GLI2: variants seen among roughly 807,000 people sequenced by gnomAD.
The protein encoded by GLI2 is transcription activator GLI2.
In GLI2, 22 loss-of-function variants were observed where a neutral mutation model predicts 78.9. That is an observed-to-expected ratio of 0.28 (90% CI 0.20 to 0.40). The LOEUF (loss-of-function observed/expected upper bound fraction) is 0.40, where lower values mean the gene tolerates loss of function less well. Among genes scored for constraint, GLI2 ranks in the 10% least tolerant of loss-of-function variants. The probability of loss-of-function intolerance (pLI) is 1.00; values close to 1 mark genes in which losing one functional copy is unlikely to be tolerated. For missense variants in GLI2, 2,097 were observed against 2,213.2 expected, an observed-to-expected ratio of 0.95 and a Z score of 1.05; for synonymous variants, 974 against 963.7, an observed-to-expected ratio of 1.01 and a Z score of -0.20.
chr2:120,815,121 G>GA (rs1411069043), intron 2 of GLI2, among the ~76,000 whole-genome samples: 2 of 152,152 alleles, frequency 1.3e-5, no homozygotes, highest in Non-Finnish European at 2.9e-5. Context: ...ACCAGTCATT[G>GA]AAAATACATA....
chr2:120,739,713 C>A (rs988385796), intron 1 of GLI2, among the ~76,000 whole-genome samples: 1 of 152,232 alleles, frequency 6.6e-6, no homozygotes, highest in Non-Finnish European at 1.5e-5. Flanking sequence ...CACTTCCCCC[C>A]TTTCTTCTTT....
Position 120,841,848 on chromosome 2 carries a change from G to GGTGTGTGTGTGTGTGTGTGTGTGTGT in GLI2, c.148+44396_148+44421dup, listed in dbSNP as rs555474895. 4.7e-3 allele frequency among the ~76,000 whole-genome samples: 617 copies of GGTGTGTGTGTGTGTGTGTGTGTGTGT among 132,632 alleles called. 4 individuals carry two copies. The highest frequency in any genetic ancestry group is 8.1e-3 in the Middle Eastern group (2 of 246). 87.0% of individuals were successfully genotyped at this position (132,632 alleles called of 152,430 possible). On this transcript the variant is annotated intron_variant, in intron 2 of 13. Transcript: ENST00000361492. ...AGGACCATTGCAAGCCAGTCTGGAG[G>GGTGTGTGTGTGTGTGTGTGTGTGTGT]GTGTGTGTGTGTGTGTGTGTGTGTG... is the stretch of plus-strand genomic sequence containing the variant.
chr2:120,902,328 G>A (rs1046919953), intron 2 of GLI2, among the ~76,000 whole-genome samples: 1 of 152,038 alleles, frequency 6.6e-6, no homozygotes. Flanking sequence ...AAAGCCTAGG[G>A]TCCAGTGAGA....
chr2:120,931,362 T>C (rs976825037), intron 3 of GLI2, among the ~76,000 whole-genome samples: 1 of 152,178 alleles, frequency 6.6e-6, no homozygotes, highest in African/African-American at 2.4e-5. Flanking sequence ...CCCCTGCTTC[T>C]CTCTTCTAAG....
At position 120,831,606 on chromosome 2, in the gene GLI2, A is replaced by G. The variant is rs530392024; in HGVS notation, c.148+34138A>G. Among the ~76,000 whole-genome samples, 5 of 152,360 alleles carry G rather than the reference A, an allele frequency of 3.3e-5. No individual in the cohort carries two copies. The East Asian group carries it at 5.8e-4, about 18-fold the overall frequency. ...TAGTAGATTCCGTTTTGAGAGCAGT[A>G]TCAGTGCTCTGGGGCCTGTGAAGGG... is the stretch of plus-strand genomic sequence containing the variant. On this transcript the variant is annotated intron_variant, in intron 2 of 13. Transcript: ENST00000361492.
chr2:120,745,398 A>ATGGTCCC (rs1212848353), intron 1 of GLI2, among the ~76,000 whole-genome samples: 1 of 152,158 alleles, frequency 6.6e-6, no homozygotes, highest in Non-Finnish European at 1.5e-5. Context: ...GGACACCTTT[A>ATGGTCCC]TGGTCCCTAA....
At chr2:120,854,063 A>T (rs553336969) in intron 2 of GLI2, among the ~76,000 whole-genome samples, 13 of 152,322 alleles carry the variant, frequency 8.5e-5, no homozygotes, top group African/African-American at 2.6e-4. Flanking sequence ...GTGGGAAATA[A>T]GACAGATTCC....
chr2:120,918,229 A>G (rs1047188140), intron 2 of GLI2, among the ~76,000 whole-genome samples: 3 of 152,154 alleles, frequency 2.0e-5, no homozygotes, highest in Non-Finnish European at 4.4e-5. Flanking sequence ...TCGTATCCCT[A>G]GATCAGACCT....
intron 2 of GLI2, among the ~76,000 whole-genome samples, chr2:120,854,859 C>A (rs1687571410): frequency 1.3e-5 from 2 of 152,200 alleles, no homozygotes; most frequent in African/African-American, 4.8e-5. Flanking sequence ...ATTTGTAAGT[C>A]CCCAGATGCT....
chr2:120,980,257 T>TGAG (rs1682657156), intron 10 of GLI2, among the ~76,000 whole-genome samples: 2 of 152,236 alleles, frequency 1.3e-5, no homozygotes. Flanking sequence ...CCACAATGAA[T>TGAG]GAGGGTTCTG....
At chr2:120,813,639 C>T (rs1416382288) in intron 2 of GLI2, among the ~76,000 whole-genome samples, 1 of 152,182 alleles carries the variant, frequency 6.6e-6, no homozygotes, top group Non-Finnish European at 1.5e-5. Flanking sequence ...GCAGCTGGCC[C>T]CAGATCCCCA....
intron 2 of GLI2, among the ~76,000 whole-genome samples, chr2:120,810,680 A>T (rs899550962): frequency 1.3e-5 from 2 of 152,218 alleles, no homozygotes; most frequent in Non-Finnish European, 2.9e-5. Context: ...GATCTTCTCG[A>T]TAGAAACTGA....
rs548148922 is a variant in GLI2, at chr2:120,927,208, C to G, written c.149-153C>G. ...CAGACTTTGATTATTTATTCATCCC[C>G]CTTCGTGGGTGTGTGATCGCGCGGG... is the stretch of plus-strand genomic sequence containing the variant. On this transcript the variant is annotated intron_variant, in intron 2 of 13. Transcript: ENST00000361492. Among the ~76,000 whole-genome samples, 4 of 152,332 alleles carry G rather than the reference C, an allele frequency of 2.6e-5. No homozygotes were observed. In the South Asian group the frequency reaches 8.3e-4, roughly 32 times the overall value.
intron 2 of GLI2, among the ~76,000 whole-genome samples, chr2:120,915,000 C>T (rs1052400562): frequency 1.3e-5 from 2 of 152,184 alleles, no homozygotes; most frequent in African/African-American, 2.4e-5. Flanking sequence ...GGCTCCCGAG[C>T]GGCCAGACCC....
chr2:120,777,358 G>A (rs888233611), intron 1 of GLI2, among the ~76,000 whole-genome samples: 1 of 152,062 alleles, frequency 6.6e-6, no homozygotes, highest in African/African-American at 2.4e-5. Context: ...GTGGGCGTGT[G>A]TGGGGGTGAG....
rs2105100094 is a variant in GLI2 at position 120,990,770 on chromosome 2, T to A, written c.*95T>A. On this transcript the variant is annotated 3_prime_UTR_variant, in exon 14 of 14. Transcript: ENST00000361492. ...GTCTTGTCTTTTTCCAAAAAAGTGT[T>A]AAATAGGCTTGAGGGGTTGTTGCGC... 2 of 1,084,088 alleles carry A rather than the reference T, an allele frequency of 1.8e-6. No individual in the cohort carries two copies. The highest frequency in any genetic ancestry group is 2.7e-6 in the Non-Finnish European group (2 of 750,986). 67.2% of individuals were successfully genotyped at this position (1,084,088 alleles called of 1,614,324 possible).
intron 1 of GLI2, among the ~76,000 whole-genome samples, chr2:120,739,469 T>TCC (rs1456540422): frequency 6.6e-6 from 1 of 152,200 alleles, no homozygotes; most frequent in Non-Finnish European, 1.5e-5. Flanking sequence ...GCTGGCCTTT[T>TCC]CCTGGGGAAA....
At chr2:120,785,366 A>G (rs1268523950) in intron 1 of GLI2, among the ~76,000 whole-genome samples, 1 of 152,152 alleles carries the variant, frequency 6.6e-6, no homozygotes, top group Non-Finnish European at 1.5e-5. Context: ...GTGGTGTTCT[A>G]CTGGCCAGGG....
At chr2:120,923,861 T>C (rs905050129) in intron 2 of GLI2, among the ~76,000 whole-genome samples, 1 of 150,764 alleles carries the variant, frequency 6.6e-6, no homozygotes, top group East Asian at 1.9e-4. Context: ...CACACGTACA[T>C]ACACACACAC....
Sources: gnomAD v4.1 joint callset for allele counts (sites outside exome capture counted in the v4.1 genomes callset) on GRCh38, gnomAD v4.1.1 for gene constraint, MANE v1.5 for transcripts, NCBI Gene and HGNC (gene_info 2026-07-23, HGNC 2026-07-21) for gene names.